Variants in SBK1 observed in about 807,000 individuals in gnomAD.
SBK1 encodes the protein SH3 domain binding kinase 1, also known as serine/threonine-protein kinase SBK1.
Under a neutral mutation model 24.4 loss-of-function variants are expected in SBK1, and 11 were observed. That is an observed-to-expected ratio of 0.45 (90% CI 0.28 to 0.75). SBK1 has a LOEUF of 0.75. Ranked by LOEUF, SBK1 falls within the 30% of genes least tolerant of loss-of-function variation. The pLI, the probability that SBK1 is intolerant of heterozygous loss-of-function variation, is 0.12. For synonymous variants in SBK1, 308 were observed against 284.4 expected (o/e 1.08, Z -0.83); for missense variants, 467 against 620.5 (o/e 0.75, Z 2.63).
upstream of SBK1, chr16:28,291,462 C>T (rs1228448495): frequency 1.3e-5 from 2 of 151,568 alleles, no homozygotes; most frequent in Non-Finnish European, 2.9e-5. Context: ...ACATACGTAA[C>T]AAACCTGCAT....
rs56859493 is a variant in SBK1, at chr16:28,271,719, T to C, written c.257+12217T>C. On this transcript the variant is annotated intron_variant, in intron 1 of 3. Transcript: ENST00000671413. ...CTAATGTTTTTGAATTTTGGAGACA[T>C]TTACACAAGTAGGGGAGAATATGGG... Among the ~76,000 whole-genome samples the C allele has an allele frequency of 6.1e-3, 932 of 152,266 alleles. 11 individuals are homozygous for C. The highest frequency in any genetic ancestry group is 0.02 in the African/African-American group (850 of 41,526).
intron 1 of SBK1, among the ~76,000 whole-genome samples, chr16:28,269,490 T>C (rs908763735): frequency 6.6e-6 from 1 of 151,680 alleles, no homozygotes; most frequent in Non-Finnish European, 1.5e-5. Context: ...GGAGAGGAAA[T>C]AGTCAAAAAA....
intron 1 of SBK1, among the ~76,000 whole-genome samples, chr16:28,261,424 C>T (rs1232160059): frequency 1.4e-5 from 2 of 142,926 alleles, no homozygotes; most frequent in Non-Finnish European, 3.0e-5. Context: ...GTGAGACTCC[C>T]GTCTACACAC....
At chr16:28,278,604 A>G (rs1226027300) in intron 1 of SBK1, among the ~76,000 whole-genome samples, 1 of 152,138 alleles carries the variant, frequency 6.6e-6, no homozygotes, top group Non-Finnish European at 1.5e-5. Flanking sequence ...GGCTGAGTTC[A>G]ATGGCGCGAT....
At chr16:28,265,981 G>T (rs2141558557) in intron 1 of SBK1, among the ~76,000 whole-genome samples, 1 of 150,828 alleles carries the variant, frequency 6.6e-6, no homozygotes, top group South Asian at 2.1e-4. Flanking sequence ...AAAAAAGAAT[G>T]CAAACATGAA....
Position 28,292,583 on chromosome 16 carries a change from G to T in SBK1, c.-725G>T. The T allele has an allele frequency of 1.0e-6, 1 of 980,226 alleles. No individual in the cohort carries two copies. Among genetic ancestry groups the T allele is most frequent in the Non-Finnish European group, 1.2e-6 (1 of 827,568 alleles). 60.7% of individuals were successfully genotyped at this position (980,226 alleles called of 1,614,324 possible). A position where few individuals can be genotyped will look rare whatever the true frequency, so the allele number is the denominator to read the frequency against. ...CGGGGCCGGGGCCCGAGCGCCAGGC[G>T]GAGCGCGAGCTGGAGCCGCAGCCGG... On this transcript the variant is annotated 5_prime_UTR_variant, in exon 1 of 4. The change creates a premature stop within an existing upstream ORF in the 5' untranslated region. Transcript: ENST00000341901.
At chr16:28,291,449 T>G (rs2044597849), upstream of SBK1, 1 of 151,694 alleles carries the variant, frequency 6.6e-6, no homozygotes, top group Non-Finnish European at 1.5e-5. Flanking sequence ...ATGGCACACG[T>G]ATACATACGT....
At position 28,320,163 on chromosome 16, in the gene SBK1, C is replaced by G; in HGVS notation, c.517C>G (p.Arg173Gly). Residue 173 changes from arginine (R) to glycine (G), a missense_variant, in exon 4 of 4, where the codon CGC (arginine) becomes GGC (glycine). Physicochemically the swap from Arg to Gly is moderately radical, Grantham distance 125. This residue lies in a region of SBK1 where 92 missense variants were observed against 193.8 expected (regional missense o/e 0.47). Coordinates refer to ENST00000341901, the MANE Select transcript of SBK1 (RefSeq NM_001024401.3). The surrounding 1 kb of genome is among the most constrained non-coding windows in gnomAD (Gnocchi z 8.5). ...CATGCACGGGCGGCAGCTGGTGCACCGCGACATCAAGCCCGAGAACGTGCT... is the reference window on the plus strand; with the variant it reads ...CATGCACGGGCGGCAGCTGGTGCACGGCGACATCAAGCCCGAGAACGTGCT... Reference protein sequence around the residue: ...DFMHGRQLVHRDIKPENVLLF... With the variant: ...DFMHGRQLVHGDIKPENVLLF... The G allele has an allele frequency of 2.5e-6, 4 of 1,585,606 alleles. No individual in the cohort carries two copies. Among genetic ancestry groups the G allele is most frequent in the Non-Finnish European group, 3.4e-6 (4 of 1,171,692 alleles).
rs1567682998 is a variant in SBK1, at chr16:28,322,934, CT to C, written c.*2014del. 4 of 10,226 alleles carry C rather than the reference CT, an allele frequency of 3.9e-4. No homozygotes were observed. The highest frequency in any genetic ancestry group is 6.5e-4 in the Non-Finnish European group (3 of 4,646). The allele number at this position is 10,226 out of a possible 1,614,324, so 0.6% of individuals were successfully genotyped here. ...TCTCGCGCGCGCTCTCTCTCTCCCT[CT>C]CTCTCTCTCTCTCTCTCTCTCTCTC... On this transcript the variant is annotated 3_prime_UTR_variant, in exon 4 of 4. Coordinates refer to ENST00000341901, the MANE Select transcript of SBK1 (RefSeq NM_001024401.3).
intron 1 of SBK1, among the ~76,000 whole-genome samples, chr16:28,265,038 G>A (rs2044419784): frequency 2.6e-5 from 4 of 152,074 alleles, no homozygotes; most frequent in South Asian, 2.1e-4. Context: ...TTGGGAGGCC[G>A]AGGCAGGAGG....
At chr16:28,275,613 C>T (rs146648402) in intron 1 of SBK1, among the ~76,000 whole-genome samples, 2 of 152,056 alleles carry the variant, frequency 1.3e-5, no homozygotes, top group Non-Finnish European at 2.9e-5. Context: ...GGTGCAGTGG[C>T]TCATGTCTGT....
chr16:28,285,917 AAAG>A (rs1790597282), intron 1 of SBK1: 1 of 152,290 alleles, frequency 6.6e-6, no homozygotes, highest in South Asian at 2.1e-4. Flanking sequence ...GTGATGTCAC[AAAG>A]AAGCAGGTTC....
chr16:28,319,968 C>T lies in SBK1; in HGVS notation c.430-108C>T. The T allele has an allele frequency of 8.8e-7, 1 of 1,137,576 alleles. No homozygotes were observed. Among genetic ancestry groups the T allele is most frequent in the East Asian group, 2.8e-5 (1 of 35,586 alleles). 70.5% of individuals were successfully genotyped at this position (1,137,576 alleles called of 1,614,324 possible). On this transcript the variant is annotated intron_variant, in intron 3 of 3. Coordinates refer to ENST00000341901, the MANE Select transcript of SBK1 (RefSeq NM_001024401.3). The surrounding 1 kb of genome is among the most constrained non-coding windows in gnomAD (Gnocchi z 4.0). Reference sequence around the variant, plus strand: ...GCGCGGTCGCCCCAGTTACTGGGGACAGGGTGGGAGGCGAAAACCGCCTTG... The same window carrying T: ...GCGCGGTCGCCCCAGTTACTGGGGATAGGGTGGGAGGCGAAAACCGCCTTG...
Position 28,310,987 on chromosome 16 carries a change from G to A in SBK1, c.-7-6398G>A, listed in dbSNP as rs140016526. ...CTGGGTCAGAGGCAGCATGTACCTGGCGGATGACGCAGAGGCAGGGATGGG... is the reference window on the plus strand; with the variant it reads ...CTGGGTCAGAGGCAGCATGTACCTGACGGATGACGCAGAGGCAGGGATGGG... On this transcript the variant is annotated intron_variant, in intron 1 of 3. Transcript: ENST00000341901. Among the ~76,000 whole-genome samples, 469 of 152,324 alleles carry A rather than the reference G, an allele frequency of 3.1e-3. 3 individuals are homozygous for A. Among genetic ancestry groups the A allele is most frequent in the Non-Finnish European group, 5.8e-3 (395 of 68,028 alleles).
intron 1 of SBK1, among the ~76,000 whole-genome samples, chr16:28,283,698 C>A (rs1279075833): frequency 1.3e-5 from 2 of 152,112 alleles, no homozygotes; most frequent in Non-Finnish European, 2.9e-5. Flanking sequence ...AATGTGGGTA[C>A]CCAGAGGAAA....
At position 28,261,471 on chromosome 16, in the gene SBK1, AC is replaced by A. The variant is rs1567667962; in HGVS notation, c.257+1970del. Among the ~76,000 whole-genome samples the A allele has an allele frequency of 2.7e-3, 397 of 147,032 alleles. 1 individual carries two copies. Among genetic ancestry groups the A allele is most frequent in the African/African-American group, 9.6e-3 (385 of 40,226 alleles). ...CACACACACACACACACACACACAC[AC>A]ACACACAATTAGCCAGGCATGGTGG... On this transcript the variant is annotated intron_variant, in intron 1 of 3. Transcript: ENST00000671413.
intron 1 of SBK1, among the ~76,000 whole-genome samples, chr16:28,308,641 T>A (rs2141585274): frequency 6.6e-6 from 1 of 151,596 alleles, no homozygotes; most frequent in Non-Finnish European, 1.5e-5. Context: ...GTTACCCAGA[T>A]GGTCTTGAAC....
At chr16:28,277,798 A>G (rs868617800) in intron 1 of SBK1, among the ~76,000 whole-genome samples, 2 of 152,336 alleles carry the variant, frequency 1.3e-5, no homozygotes, top group Non-Finnish European at 2.9e-5. Context: ...AGAACCAGAT[A>G]GAACAGAGAC....
intron 1 of SBK1, among the ~76,000 whole-genome samples, chr16:28,306,494 T>G (rs2044717580): frequency 6.6e-6 from 1 of 152,068 alleles, no homozygotes; most frequent in Non-Finnish European, 1.5e-5. Context: ...TGGCATGGGG[T>G]GCCTATGTTA....
Sources: gnomAD v4.1 joint callset for allele counts (sites outside exome capture counted in the v4.1 genomes callset) on GRCh38, gnomAD v4.1.1 for gene constraint, gnomAD v4.1.1 regional missense constraint, Gnocchi (gnomAD v3.1) non-coding constraint, MANE v1.5 for transcripts, NCBI Gene and HGNC (gene_info 2026-07-23, HGNC 2026-07-21) for gene names.